ARHGEF9: variants seen among roughly 807,000 people sequenced by gnomAD.
ARHGEF9 encodes the protein Cdc42 guanine nucleotide exchange factor 9, also known as rho guanine nucleotide exchange factor 9.
A neutral mutation model predicts 41.3 loss-of-function variants in ARHGEF9; 2 were observed. That is an observed-to-expected ratio of 0.05 (90% CI 0.02 to 0.15). ARHGEF9 has a LOEUF of 0.15. ARHGEF9 is among the 10% of genes least tolerant of loss of function. ARHGEF9 has a pLI of 1.00. For missense variants in ARHGEF9, 225 were observed against 424.7 expected, an observed-to-expected ratio of 0.53 and a Z score of 4.13; for synonymous variants, 160 against 154.4, an observed-to-expected ratio of 1.04 and a Z score of -0.27.
intron 8 of ARHGEF9, among the ~76,000 whole-genome samples, chrX:63,653,142 A>G (rs2048659717): frequency 9.0e-6 from 1 of 111,669 alleles, no homozygotes; most frequent in Admixed American, 9.6e-5. Flanking sequence ...TATAAGGGAC[A>G]ATATCCTAGA....
intron 4 of ARHGEF9, among the ~76,000 whole-genome samples, chrX:63,683,156 CA>C (rs1332480309): frequency 6.9e-5 from 7 of 101,925 alleles, no homozygotes; most frequent in Admixed American, 2.1e-4. Flanking sequence ...ATGCAGGATA[CA>C]AAAAAAAAAT....
intron 2 of ARHGEF9, among the ~76,000 whole-genome samples, chrX:63,708,422 A>T (rs2052696450): frequency 8.9e-6 from 1 of 112,418 alleles, no homozygotes; most frequent in Admixed American, 9.4e-5. Context: ...TGAAGACAGG[A>T]TATGAAGGAA....
At chrX:63,657,594 C>G (rs1280818683) in intron 7 of ARHGEF9, 2 of 111,770 alleles carry the variant, frequency 1.8e-5, no homozygotes, top group African/African-American at 3.3e-5. Context: ...ATCAAGTTCA[C>G]AGGAGAGGAA....
intron 1 of ARHGEF9, among the ~76,000 whole-genome samples, chrX:63,753,811 GAC>G (rs2055806530): frequency 9.0e-6 from 1 of 111,619 alleles, no homozygotes; most frequent in South Asian, 3.8e-4. Flanking sequence ...AGATTCAAAG[GAC>G]ACAGTCACCA....
At chrX:63,771,880 G>A (rs1362335396) in intron 1 of ARHGEF9, among the ~76,000 whole-genome samples, 1 of 111,230 alleles carries the variant, frequency 9.0e-6, no homozygotes, top group East Asian at 2.8e-4. Context: ...AGATCTTAAT[G>A]CAATTAAAGT....
At chrX:63,660,751 C>A (rs1404101328) in intron 7 of ARHGEF9, among the ~76,000 whole-genome samples, 2 of 112,050 alleles carry the variant, frequency 1.8e-5, no homozygotes, top group Non-Finnish European at 3.8e-5. Context: ...CACTAAGTAC[C>A]TACTATGTGC....
In ARHGEF9 at chrX:63,665,958, G is replaced by A. The variant is rs1291302762; in HGVS notation, c.1005C>T (p.Ile335=). ...GCTGGTTGCGGCCGTAGGGCTGGTA[G>A]ATCCAGGCCATCTCCCCAGTGTAGA... The part of the protein sequence containing the change: ...ELIYTGEMAW[I]YQPYGRNQQR... The change falls in exon 7 of 10, where the codon ATC becomes ATT. Residue 335 remains isoleucine, a synonymous_variant. Coordinates refer to ENST00000671741, the MANE Select transcript of ARHGEF9 (RefSeq NM_001353921.2). The A allele has an allele frequency of 1.7e-6, 2 of 1,208,438 alleles. No homozygotes were observed. The highest frequency in any genetic ancestry group is 2.2e-6 in the Non-Finnish European group (2 of 894,879).
intron 1 of ARHGEF9, among the ~76,000 whole-genome samples, chrX:63,778,571 A>G (rs1556460228): frequency 8.9e-6 from 1 of 112,533 alleles, no homozygotes; most frequent in East Asian, 2.8e-4. Context: ...CCAGGGTTGC[A>G]AATTTTCCAA....
chrX:63,744,728 A>C (rs1354443720), intron 1 of ARHGEF9, among the ~76,000 whole-genome samples: 2 of 112,153 alleles, frequency 1.8e-5, no homozygotes, highest in African/African-American at 6.5e-5. Flanking sequence ...GTGAGTACCC[A>C]CTAGCCCCAG....
intron 7 of ARHGEF9, among the ~76,000 whole-genome samples, chrX:63,662,647 T>G (rs1237152012): frequency 8.9e-6 from 1 of 111,773 alleles, no homozygotes; most frequent in African/African-American, 3.2e-5. Context: ...CTTGGGAAAA[T>G]TATATAACTT....
chrX:63,697,114 A>G lies in ARHGEF9; in HGVS notation c.582+11T>C. ...CTCTCAAAACCCTCCCCAAATGGAT[A>G]AGATACTTACGTGCTCTAGGAAGCA... On this transcript the variant is annotated intron_variant, in intron 4 of 9. Coordinates refer to ENST00000671741, the MANE Select transcript of ARHGEF9 (RefSeq NM_001353921.2). The G allele has an allele frequency of 1.7e-6, 2 of 1,207,231 alleles. No individual in the cohort carries two copies. The highest frequency in any genetic ancestry group is 2.2e-6 in the Non-Finnish European group (2 of 893,077).
At chrX:63,716,037 A>T in intron 2 of ARHGEF9, 1 of 112,402 alleles carries the variant, frequency 8.9e-6, no homozygotes, top group South Asian at 3.7e-4. Flanking sequence ...CTATAATCCC[A>T]GCACTTTGGG....
chrX:63,736,942 T>C (rs2054647627), intron 1 of ARHGEF9: 2 of 111,220 alleles, frequency 1.8e-5, no homozygotes, highest in African/African-American at 6.5e-5. Context: ...AACAATGAGA[T>C]TAACAATTTA....
intron 6 of ARHGEF9, among the ~76,000 whole-genome samples, chrX:63,672,719 A>C (rs1556357116): frequency 1.8e-5 from 2 of 111,371 alleles, no homozygotes; most frequent in Non-Finnish European, 3.8e-5. Flanking sequence ...GCTGCTGGGC[A>C]CCTTCTCTTA....
At chrX:63,672,537 A>G (rs2147299862) in intron 6 of ARHGEF9, among the ~76,000 whole-genome samples, 1 of 110,924 alleles carries the variant, frequency 9.0e-6, no homozygotes, top group Non-Finnish European at 1.9e-5. Flanking sequence ...GCTCAGTGTT[A>G]TTGAGCTTGG....
intron 1 of ARHGEF9, among the ~76,000 whole-genome samples, chrX:63,731,841 G>A (rs1556420264): frequency 9.0e-6 from 1 of 111,134 alleles, no homozygotes; most frequent in Non-Finnish European, 1.9e-5. Context: ...GACTACAGGC[G>A]TGAGCCACCG....
At chrX:63,780,705 C>G (rs1411068900) in intron 1 of ARHGEF9, among the ~76,000 whole-genome samples, 7 of 111,850 alleles carry the variant, frequency 6.3e-5, no homozygotes, top group African/African-American at 2.3e-4. Context: ...ATATATGAAG[C>G]TTGAAATTAG....
In ARHGEF9 at chrX:63,678,350, G is replaced by C; in HGVS notation, c.805C>G (p.Gln269Glu). ...QLAELLKYTA[Q>E]DHSDYRYVAA... The stretch of plus-strand genomic sequence containing the variant: ...CCCTCGATCCCTTACCTGTGGTCTT[G>C]GGCAGTATACTTTAGGAGCTCAGCC... The change falls in exon 5 of 10, where the codon CAA (glutamine) becomes GAA (glutamate). Residue 269 changes from glutamine (Q) to glutamate (E), a missense_variant. Transcript: ENST00000671741. 8.3e-7 allele frequency: 1 copy of C among 1,202,279 alleles called. No individual in the cohort carries two copies. The highest frequency in any genetic ancestry group is 1.7e-5 in the African/African-American group (1 of 57,615).
At position 63,768,016 on chromosome X, in the gene ARHGEF9, C is replaced by T. The variant is rs1415789287; in HGVS notation, c.30+17100G>A. On this transcript the variant is annotated intron_variant, in intron 1 of 9. Transcript: ENST00000671741. ...CTTTATTTCAGTAGCTTTTGGAGAA[C>T]AAGTGGTTTTTGGTTACATGGATGA... 5.4e-5 allele frequency among the ~76,000 whole-genome samples: 6 copies of T among 112,119 alleles called. No homozygotes were observed. In the East Asian group the frequency reaches 1.7e-3, roughly 31 times the overall value.
Sources: gnomAD v4.1 joint callset for allele counts (sites outside exome capture counted in the v4.1 genomes callset) on GRCh38, gnomAD v4.1.1 for gene constraint, MANE v1.5 for transcripts, NCBI Gene and HGNC (gene_info 2026-07-23, HGNC 2026-07-21) for gene names.